Variants in WDR70 observed in about 807,000 individuals in gnomAD.
The protein encoded by WDR70 is WD repeat-containing protein 70.
WDR70 carries 53 observed loss-of-function variants against 88.6 expected under a neutral mutation model. That is an observed-to-expected ratio of 0.60 (90% CI 0.48 to 0.75). WDR70 has a LOEUF of 0.75. Among genes scored for constraint, WDR70 ranks in the 30% least tolerant of loss-of-function variants. The pLI is 0.00. For synonymous variants in WDR70, 280 were observed against 270.0 expected (o/e 1.04, Z -0.36); for missense variants, 610 against 823.2 (o/e 0.74, Z 3.17).
intron 9 of WDR70, among the ~76,000 whole-genome samples, chr5:37,525,878 T>C (rs1326976418): frequency 1.3e-5 from 2 of 151,840 alleles, no homozygotes; most frequent in Non-Finnish European, 2.9e-5. Flanking sequence ...AACTAGAAAA[T>C]CTAGAAGAAA....
At chr5:37,687,959 A>G in intron 10 of WDR70, 1 of 691,836 alleles carries the variant, frequency 1.4e-6, no homozygotes, top group Non-Finnish European at 2.6e-6. Flanking sequence ...CTCTGGGCTC[A>G]CACTGAAGTT....
chr5:37,640,495 A>G (rs1338337332), intron 10 of WDR70, among the ~76,000 whole-genome samples: 1 of 152,176 alleles, frequency 6.6e-6, no homozygotes, highest in African/African-American at 2.4e-5. Flanking sequence ...AAATAATCAC[A>G]ATAATAATTT....
At position 37,745,170 on chromosome 5, in the gene WDR70, A is replaced by G. The variant is rs1748599904; in HGVS notation, c.1878-7316A>G. Among the ~76,000 whole-genome samples, 5 of 152,246 alleles carry G rather than the reference A, an allele frequency of 3.3e-5. 1 individual carries two copies. In the South Asian group the frequency reaches 1.0e-3, roughly 32 times the overall value. On this transcript the variant is annotated intron_variant, in intron 17 of 17. Transcript: ENST00000265107. ...AACCCAGAATTTCATATCCAGCCAA[A>G]CTAATAAGCTTCATAAGCGAAGGAG... is the stretch of plus-strand genomic sequence containing the variant.
In WDR70 at chr5:37,412,279, C is replaced by T. The variant is rs139892038; in HGVS notation, c.492+15709C>T. Among the ~76,000 whole-genome samples the T allele has an allele frequency of 2.9e-3, 441 of 152,134 alleles. 2 individuals carry two copies. Among genetic ancestry groups the T allele is most frequent in the African/African-American group, 0.01 (426 of 41,492 alleles). ...GAGCACGCCTGTAATCCCAGCTACTCGGGAAGCTGAGGCAGGAGAATTGCT... is the reference window on the plus strand; with the variant it reads ...GAGCACGCCTGTAATCCCAGCTACTTGGGAAGCTGAGGCAGGAGAATTGCT... On this transcript the variant is annotated intron_variant, in intron 5 of 17. Transcript: ENST00000265107.
At chr5:37,606,458 T>C (rs1295334185) in intron 10 of WDR70, among the ~76,000 whole-genome samples, 1 of 152,214 alleles carries the variant, frequency 6.6e-6, no homozygotes, top group African/African-American at 2.4e-5. Context: ...TTATAAAACA[T>C]GCAGTTTTCT....
intron 9 of WDR70, among the ~76,000 whole-genome samples, chr5:37,582,898 C>T (rs1050864163): frequency 2.6e-5 from 4 of 152,178 alleles, no homozygotes; most frequent in Non-Finnish European, 4.4e-5. Context: ...TTTAGGATGT[C>T]GCCACCAGTA....
At chr5:37,396,592 TA>T (rs752900447) in intron 5 of WDR70, 22 bp downstream of exon 5, 2 of 1,579,854 alleles carry the variant, frequency 1.3e-6, no homozygotes. Flanking sequence ...AGTGGTAATT[TA>T]AGAATTCGGT....
intron 3 of WDR70, among the ~76,000 whole-genome samples, chr5:37,382,015 T>C (rs1166272578): frequency 2.0e-5 from 3 of 151,776 alleles, no homozygotes; most frequent in Non-Finnish European, 2.9e-5. Flanking sequence ...ATACCCCCAT[T>C]GCACTCCAGC....
At chr5:37,636,513 G>A (rs1315180626) in intron 10 of WDR70, among the ~76,000 whole-genome samples, 2 of 152,130 alleles carry the variant, frequency 1.3e-5, no homozygotes, top group African/African-American at 2.4e-5. Context: ...TACAAAGGGA[G>A]AATTAATAAC....
intron 10 of WDR70, among the ~76,000 whole-genome samples, chr5:37,696,678 C>A (rs756939450): frequency 1.2e-5 from 1 of 86,264 alleles, no homozygotes; most frequent in Non-Finnish European, 2.7e-5. Context: ...CACACACGCG[C>A]GTGCACACAC....
chr5:37,600,461 A>T (rs1743841285), intron 9 of WDR70, among the ~76,000 whole-genome samples: 1 of 143,156 alleles, frequency 7.0e-6, no homozygotes, highest in African/African-American at 2.6e-5. Flanking sequence ...CGCAAGGCGG[A>T]GCTTGCAGTG....
chr5:37,623,145 G>T (rs1343284239), intron 10 of WDR70, among the ~76,000 whole-genome samples: 1 of 152,004 alleles, frequency 6.6e-6, no homozygotes, highest in Non-Finnish European at 1.5e-5. Flanking sequence ...AGAATTGAAG[G>T]AAATTTCAAA....
chr5:37,405,376 C>T (rs186165994), intron 5 of WDR70, among the ~76,000 whole-genome samples: 62 of 150,840 alleles, frequency 4.1e-4, no homozygotes, highest in African/African-American at 1.4e-3. Context: ...TGAGACAGAC[C>T]CTCACTCTTG....
intron 9 of WDR70, among the ~76,000 whole-genome samples, chr5:37,533,011 C>T (rs750515734): frequency 1.3e-5 from 2 of 152,160 alleles, no homozygotes; most frequent in Non-Finnish European, 2.9e-5. Flanking sequence ...GAGAGCCGAA[C>T]TGGAGTGATT....
chr5:37,446,091 T>A (rs1738468382), intron 7 of WDR70, among the ~76,000 whole-genome samples: 1 of 152,164 alleles, frequency 6.6e-6, no homozygotes, highest in African/African-American at 2.4e-5. Context: ...TTCAGCAAAG[T>A]CTCAGGATAC....
At chr5:37,615,900 C>T (rs978249112) in intron 10 of WDR70, among the ~76,000 whole-genome samples, 7 of 152,204 alleles carry the variant, frequency 4.6e-5, no homozygotes, top group African/African-American at 1.4e-4. Flanking sequence ...CTACTTCATA[C>T]CCTCATCACC....
At chr5:37,633,425 G>A (rs1361678802) in intron 10 of WDR70, among the ~76,000 whole-genome samples, 1 of 151,404 alleles carries the variant, frequency 6.6e-6, no homozygotes, top group Non-Finnish European at 1.5e-5. Flanking sequence ...TATAGAAATG[G>A]TGTAAAATTA....
intron 8 of WDR70, among the ~76,000 whole-genome samples, chr5:37,499,534 A>T (rs1244387869): frequency 1.7e-4 from 21 of 123,550 alleles, no homozygotes; most frequent in East Asian, 4.6e-4. Context: ...TTTTTTTTAA[A>T]AATATATATA....
At chr5:37,525,601 G>A (rs1741241958) in intron 9 of WDR70, among the ~76,000 whole-genome samples, 1 of 152,092 alleles carries the variant, frequency 6.6e-6, no homozygotes, top group African/African-American at 2.4e-5. Context: ...ACATTCAAAA[G>A]CTAGCAGAAG....
Sources: allele counts gnomAD v4.1 joint callset (sites outside exome capture counted in the v4.1 genomes callset), GRCh38; gene constraint gnomAD v4.1.1; transcripts MANE v1.5; gene names NCBI Gene and HGNC (gene_info 2026-07-23, HGNC 2026-07-21).